The following LHFPL6 variants were observed in gnomAD, a reference collection of about 807,000 sequenced individuals.
LHFPL6 encodes the protein LHFPL tetraspan subfamily member 6.
LHFPL6 carries 9 observed loss-of-function variants against 20.6 expected under a neutral mutation model. The ratio of observed to expected loss-of-function variants is 0.44; its 90% CI spans 0.26 to 0.76. The LOEUF (loss-of-function observed/expected upper bound fraction) is 0.76, where lower values mean the gene tolerates loss of function less well. Ranked by LOEUF, LHFPL6 falls within the 30% of genes least tolerant of loss-of-function variation. LHFPL6 has a pLI of 0.20. For synonymous variants in LHFPL6, 105 were observed against 98.7 expected, an observed-to-expected ratio of 1.06 and a Z score of -0.38; for missense variants, 218 against 253.5, an observed-to-expected ratio of 0.86 and a Z score of 0.95.
intron 2 of LHFPL6, among the ~76,000 whole-genome samples, chr13:39,547,644 T>A (rs565095563): frequency 2.6e-5 from 4 of 152,146 alleles, no homozygotes; most frequent in Non-Finnish European, 5.9e-5. Context: ...GAGGATTCTG[T>A]GCTGCATGCT....
chr13:39,417,880 AAAGAAAGG>A (rs2138393302), intron 2 of LHFPL6, among the ~76,000 whole-genome samples: 1 of 152,324 alleles, frequency 6.6e-6, no homozygotes, highest in Admixed American at 6.5e-5. Flanking sequence ...TTAGAAAGCG[AAAGAAAGG>A]AAGAAAGGAG....
intron 2 of LHFPL6, among the ~76,000 whole-genome samples, chr13:39,412,377 T>G (rs2138388319): frequency 6.6e-6 from 1 of 152,374 alleles, no homozygotes; most frequent in South Asian, 2.1e-4. Flanking sequence ...GACTTTTGAC[T>G]GACCACTACT....
chr13:39,364,646 C>CTT (rs1444704559), intron 3 of LHFPL6, among the ~76,000 whole-genome samples: 1 of 152,030 alleles, frequency 6.6e-6, no homozygotes, highest in Non-Finnish European at 1.5e-5. Flanking sequence ...AGTTTTCTTT[C>CTT]TTTTCTTTTC....
intron 2 of LHFPL6, among the ~76,000 whole-genome samples, chr13:39,531,756 G>C (rs1383268563): frequency 6.6e-6 from 1 of 152,106 alleles, no homozygotes; most frequent in East Asian, 1.9e-4. Flanking sequence ...TTCAACTAAA[G>C]AGTAAATACC....
At chr13:39,417,974 C>T (rs1004331662) in intron 2 of LHFPL6, among the ~76,000 whole-genome samples, 8 of 152,076 alleles carry the variant, frequency 5.3e-5, no homozygotes, top group Non-Finnish European at 8.8e-5. Context: ...GAGTGTTAGT[C>T]TTGTGTCCTA....
intron 2 of LHFPL6, among the ~76,000 whole-genome samples, chr13:39,382,714 C>T (rs1030381962): frequency 6.6e-6 from 1 of 152,072 alleles, no homozygotes; most frequent in Admixed American, 6.6e-5. Flanking sequence ...TAGATTCAAC[C>T]ATATAAATTA....
intron 2 of LHFPL6, among the ~76,000 whole-genome samples, chr13:39,429,904 A>G (rs1293510392): frequency 2.0e-5 from 3 of 152,300 alleles, no homozygotes; most frequent in Admixed American, 6.5e-5. Flanking sequence ...TGTCTCCTTA[A>G]AGCATATTTC....
At chr13:39,540,746 T>C (rs7338724) in intron 2 of LHFPL6, among the ~76,000 whole-genome samples, 78,499 of 151,968 alleles carry the variant, frequency 0.52, 20,467 homozygotes, top group Admixed American at 0.61. Context: ...GAGAAAATAA[T>C]AGAAACACAC....
At chr13:39,526,355 G>A (rs1345287280) in intron 2 of LHFPL6, among the ~76,000 whole-genome samples, 1 of 152,218 alleles carries the variant, frequency 6.6e-6, no homozygotes, top group Admixed American at 6.5e-5. Context: ...GCAGGGGTTG[G>A]AGGGAGAAAC....
intron 3 of LHFPL6, among the ~76,000 whole-genome samples, chr13:39,359,121 C>CACG (rs1368278550): frequency 7.9e-5 from 12 of 152,148 alleles, no homozygotes. Context: ...GAGATCACAC[C>CACG]ACGTACTCCA....
chr13:39,499,928 T>C (rs1172218296), intron 2 of LHFPL6, among the ~76,000 whole-genome samples: 1 of 152,230 alleles, frequency 6.6e-6, no homozygotes. Flanking sequence ...GACATGACAC[T>C]CTTACTTGAG....
intron 2 of LHFPL6, among the ~76,000 whole-genome samples, chr13:39,479,683 T>C (rs922970804): frequency 2.0e-5 from 3 of 152,204 alleles, no homozygotes; most frequent in Non-Finnish European, 4.4e-5. Context: ...GCTGGAAATA[T>C]AATAATGAGT....
At chr13:39,347,849 C>T (rs1157329785) in intron 3 of LHFPL6, among the ~76,000 whole-genome samples, 1 of 152,192 alleles carries the variant, frequency 6.6e-6, no homozygotes, top group Non-Finnish European at 1.5e-5. Flanking sequence ...ATCTGTTTAG[C>T]ACTGGGCTCA....
chr13:39,591,345 T>C (rs567972088), intron 2 of LHFPL6, among the ~76,000 whole-genome samples: 2 of 152,306 alleles, frequency 1.3e-5, no homozygotes, highest in South Asian at 2.1e-4. Context: ...CATCAAAATA[T>C]GGTCCTCATC....
chr13:39,567,304 A>AT (rs1164401610), intron 2 of LHFPL6, among the ~76,000 whole-genome samples: 25 of 152,274 alleles, frequency 1.6e-4, no homozygotes, highest in Admixed American at 1.3e-4. Context: ...AGCAATCAGT[A>AT]TTTTTTCTGA....
chr13:39,591,178 A>C (rs551986114), intron 2 of LHFPL6, among the ~76,000 whole-genome samples: 3 of 152,312 alleles, frequency 2.0e-5, no homozygotes, highest in Admixed American at 6.5e-5. Flanking sequence ...AGTAACTCAA[A>C]ACGGGGAAAA....
At chr13:39,351,678 T>C (rs767404871) in intron 3 of LHFPL6, among the ~76,000 whole-genome samples, 19 of 152,318 alleles carry the variant, frequency 1.2e-4, no homozygotes, top group South Asian at 4.1e-4. Flanking sequence ...CCTAGCTTAA[T>C]AGGCAGACAA....
intron 3 of LHFPL6, among the ~76,000 whole-genome samples, chr13:39,371,543 A>G (rs1215500248): frequency 6.6e-6 from 1 of 152,218 alleles, no homozygotes; most frequent in Admixed American, 6.5e-5. Flanking sequence ...CTTATCATTT[A>G]TACTGTTTTA....
chr13:39,429,230 C>A (rs903548385), intron 2 of LHFPL6, among the ~76,000 whole-genome samples: 3 of 151,662 alleles, frequency 2.0e-5, no homozygotes, highest in Admixed American at 6.6e-5. Context: ...AGAGGAATAT[C>A]AAAATCTCTG....
Sources: gnomAD v4.1 joint callset for allele counts (sites outside exome capture counted in the v4.1 genomes callset) on GRCh38, gnomAD v4.1.1 for gene constraint, MANE v1.5 for transcripts, NCBI Gene and HGNC (gene_info 2026-07-23, HGNC 2026-07-21) for gene names.